HTR1F: variants seen among roughly 807,000 people sequenced by gnomAD.
HTR1F encodes the protein 5-hydroxytryptamine (serotonin) receptor 1F, G protein-coupled.
A neutral mutation model predicts 24.0 loss-of-function variants in HTR1F; 17 were observed. That is an observed-to-expected ratio of 0.71 (90% confidence interval 0.48 to 1.06). The LOEUF is 1.06. Ranked by LOEUF, HTR1F falls within the 50% of genes least tolerant of loss-of-function variation. HTR1F has a pLI of 0.00. For synonymous variants in HTR1F, 186 were observed against 156.8 expected (o/e 1.19, Z -1.39); for missense variants, 391 against 427.8 (o/e 0.91, Z 0.76).
At position 87,838,997 on chromosome 3, in the gene HTR1F, T is replaced by G. The variant is rs1050019823; in HGVS notation, c.-43+16873T>G. On this transcript the variant is annotated intron_variant, in intron 2 of 2. Transcript: ENST00000319595. Reference sequence around the variant, plus strand: ...CTCTTTATTCTATTGATTGTTCTTTTTATTTATTTATTTTATTTTTATTTT... The same window carrying G: ...CTCTTTATTCTATTGATTGTTCTTTGTATTTATTTATTTTATTTTTATTTT... 2.7e-5 allele frequency among the ~76,000 whole-genome samples: 4 copies of G among 145,548 alleles called. No individual in the cohort carries two copies. The East Asian group carries it at 8.3e-4, about 30-fold the overall frequency.
At chr3:87,903,960 G>A (rs1237286021) in intron 2 of HTR1F, among the ~76,000 whole-genome samples, 1 of 152,118 alleles carries the variant, frequency 6.6e-6, no homozygotes. Flanking sequence ...ATAGTTACAA[G>A]ATGGTTGCAA....
intron 1 of HTR1F, among the ~76,000 whole-genome samples, chr3:87,803,530 T>G (rs924459476): frequency 5.9e-5 from 9 of 152,168 alleles, no homozygotes; most frequent in Admixed American, 3.3e-4. Context: ...ATTTCACTTC[T>G]GCAGTGATAT....
chr3:87,905,246 G>GC (rs757230108), intron 2 of HTR1F, among the ~76,000 whole-genome samples: 1 of 151,864 alleles, frequency 6.6e-6, no homozygotes, highest in Non-Finnish European at 1.5e-5. Flanking sequence ...GGAGTTCAAG[G>GC]CTGCAGTGAG....
rs1391360840 is a variant in HTR1F at position 87,943,613 on chromosome 3, T to C, written c.-42-47095T>C. ...GGGATGCTGGGGTAGGGAGGTAGAC[T>C]CTGAGGGCTTCCTATAGGGCATAAA... On this transcript the variant is annotated intron_variant, in intron 2 of 2. Coordinates refer to ENST00000319595, the MANE Select transcript of HTR1F (RefSeq NM_001322209.2). Among the ~76,000 whole-genome samples the C allele has an allele frequency of 4.6e-5, 7 of 152,130 alleles. No homozygotes were observed. In the East Asian group the frequency reaches 1.4e-3, roughly 29 times the overall value.
intron 2 of HTR1F, among the ~76,000 whole-genome samples, chr3:87,856,199 T>TATTA (rs1332351472): frequency 6.6e-6 from 1 of 152,042 alleles, no homozygotes; most frequent in African/African-American, 2.4e-5. Flanking sequence ...AATTCAAGTT[T>TATTA]ATTATAGATA....
chr3:87,838,695 A>G (rs1203730171), intron 2 of HTR1F, among the ~76,000 whole-genome samples: 1 of 152,136 alleles, frequency 6.6e-6, no homozygotes, highest in African/African-American at 2.4e-5. Flanking sequence ...GTGCACATGC[A>G]TTGTGAAAAC....
At chr3:87,958,988 T>G (rs1307161083) in intron 2 of HTR1F, among the ~76,000 whole-genome samples, 1 of 151,746 alleles carries the variant, frequency 6.6e-6, no homozygotes, top group Non-Finnish European at 1.5e-5. Context: ...TAATGAATAT[T>G]TTATCAGGGT....
At chr3:87,815,800 T>A (rs1178049564) in intron 1 of HTR1F, among the ~76,000 whole-genome samples, 9 of 152,108 alleles carry the variant, frequency 5.9e-5, no homozygotes, top group Non-Finnish European at 1.2e-4. Flanking sequence ...CATATGGTAA[T>A]GTCTTAGTAG....
chr3:87,904,009 C>G (rs1376412565), intron 2 of HTR1F, among the ~76,000 whole-genome samples: 4 of 151,956 alleles, frequency 2.6e-5, no homozygotes, highest in African/African-American at 9.7e-5. Flanking sequence ...CAGAATATAT[C>G]AAAAAGCTCT....
chr3:87,931,862 G>A (rs894176143), intron 2 of HTR1F, among the ~76,000 whole-genome samples: 2 of 150,198 alleles, frequency 1.3e-5, no homozygotes, highest in African/African-American at 5.0e-5. Flanking sequence ...AGAAGTGTCT[G>A]TTCATATCCT....
intron 1 of HTR1F, among the ~76,000 whole-genome samples, chr3:87,799,315 AT>A (rs538436465): frequency 6.6e-5 from 10 of 151,888 alleles, no homozygotes; most frequent in Middle Eastern, 3.2e-3. Flanking sequence ...TGCCTTCATG[AT>A]TTTTTTTCAT....
At chr3:87,882,255 G>C (rs1303694890) in intron 2 of HTR1F, among the ~76,000 whole-genome samples, 1 of 152,198 alleles carries the variant, frequency 6.6e-6, no homozygotes, top group Admixed American at 6.5e-5. Context: ...CTTTTACACT[G>C]TTGGTGGGAC....
intron 2 of HTR1F, among the ~76,000 whole-genome samples, chr3:87,916,201 G>C (rs1182724395): frequency 6.6e-6 from 1 of 151,458 alleles, no homozygotes; most frequent in Non-Finnish European, 1.5e-5. Context: ...CTGCTAAAGG[G>C]GGCTCTAAAT....
intron 2 of HTR1F, among the ~76,000 whole-genome samples, chr3:87,918,908 G>A (rs1847307): frequency 8.6e-5 from 13 of 151,962 alleles, no homozygotes; most frequent in African/African-American, 2.4e-4. Context: ...CAAAGGGCCC[G>A]CATAGCCAAA....
chr3:87,982,245 C>G (rs541262371), intron 2 of HTR1F, among the ~76,000 whole-genome samples: 2 of 152,026 alleles, frequency 1.3e-5, no homozygotes, highest in Non-Finnish European at 2.9e-5. Flanking sequence ...TTTTAAATAT[C>G]GAGATATTTT....
At chr3:87,877,253 G>A (rs2107271148) in intron 2 of HTR1F, among the ~76,000 whole-genome samples, 1 of 152,158 alleles carries the variant, frequency 6.6e-6, no homozygotes, top group Admixed American at 6.5e-5. Flanking sequence ...AAAGAAAATA[G>A]GATAATGTTA....
intron 2 of HTR1F, among the ~76,000 whole-genome samples, chr3:87,954,392 T>A (rs1240832333): frequency 1.3e-5 from 2 of 151,792 alleles, no homozygotes; most frequent in East Asian, 3.9e-4. Flanking sequence ...AAGAGATGTA[T>A]AATATTAGTA....
intron 2 of HTR1F, among the ~76,000 whole-genome samples, chr3:87,949,034 C>T (rs1704776161): frequency 6.6e-6 from 1 of 152,074 alleles, no homozygotes; most frequent in South Asian, 2.1e-4. Flanking sequence ...TATATTCTAT[C>T]AATGTTTAGC....
At chr3:87,942,350 G>A (rs1015843633) in intron 2 of HTR1F, among the ~76,000 whole-genome samples, 61 of 152,258 alleles carry the variant, frequency 4.0e-4, no homozygotes, top group African/African-American at 1.4e-3. Flanking sequence ...TCCGGGACAG[G>A]AGAGTAAGAC....
Sources: gnomAD v4.1 joint callset for allele counts (sites outside exome capture counted in the v4.1 genomes callset) on GRCh38, gnomAD v4.1.1 for gene constraint, MANE v1.5 for transcripts, NCBI Gene and HGNC (gene_info 2026-07-23, HGNC 2026-07-21) for gene names.